LRRTM4: variants seen among roughly 807,000 people sequenced by gnomAD.
LRRTM4 encodes leucine rich repeat transmembrane neuronal 4.
In LRRTM4, 25 loss-of-function variants were observed where a neutral mutation model predicts 47.6. The observed-to-expected ratio is 0.53, with a 90% CI of 0.38 to 0.73. The LOEUF (loss-of-function observed/expected upper bound fraction) is 0.73, where lower values mean the gene tolerates loss of function less well. LRRTM4 is among the 30% of genes least tolerant of loss of function. LRRTM4 has a pLI of 0.00. For synonymous variants in LRRTM4, 311 were observed against 269.5 expected (o/e 1.15, Z -1.51); for missense variants, 638 against 713.4 (o/e 0.89, Z 1.20).
chr2:76,952,130 G>A (rs1204003926), intron 3 of LRRTM4, among the ~76,000 whole-genome samples: 1 of 151,868 alleles, frequency 6.6e-6, no homozygotes, highest in Non-Finnish European at 1.5e-5. Context: ...GCTATAGTAG[G>A]CTATAGTAGG....
intron 3 of LRRTM4, among the ~76,000 whole-genome samples, chr2:76,873,506 G>GTGTGTGTATATATATA (rs367573475): frequency 2.0e-4 from 22 of 112,312 alleles, no homozygotes; most frequent in African/African-American, 7.1e-4. Flanking sequence ...ATATATGTGT[G>GTGTGTGTATATATATA]TATATATATA....
At chr2:77,243,301 T>C (rs1274859270) in intron 3 of LRRTM4, among the ~76,000 whole-genome samples, 1 of 151,446 alleles carries the variant, frequency 6.6e-6, no homozygotes, top group African/African-American at 2.4e-5. Flanking sequence ...TCCCAGCTAC[T>C]CAGGAGGCTG....
intron 3 of LRRTM4, among the ~76,000 whole-genome samples, chr2:77,111,753 T>C (rs1420199929): frequency 1.3e-5 from 2 of 152,144 alleles, no homozygotes; most frequent in East Asian, 1.9e-4. Context: ...AGAGTAGTGA[T>C]GCTGGCAATT....
chr2:76,901,047 GTATTTT>G (rs895524485), intron 3 of LRRTM4, among the ~76,000 whole-genome samples: 2 of 151,994 alleles, frequency 1.3e-5, no homozygotes, highest in Non-Finnish European at 2.9e-5. Context: ...TTTTTAATTT[GTATTTT>G]TATTTTAAGT....
At chr2:77,171,825 T>C (rs1030974782) in intron 3 of LRRTM4, among the ~76,000 whole-genome samples, 3 of 152,074 alleles carry the variant, frequency 2.0e-5, no homozygotes, top group Admixed American at 1.3e-4. Context: ...CTTTATATAA[T>C]TAGAATTATG....
intron 3 of LRRTM4, among the ~76,000 whole-genome samples, chr2:76,857,020 T>C (rs571955112): frequency 2.0e-5 from 3 of 151,952 alleles, no homozygotes; most frequent in Non-Finnish European, 4.4e-5. Context: ...TATTAAATAT[T>C]TTCATTATTT....
At chr2:76,909,597 T>G (rs1196179406) in intron 3 of LRRTM4, among the ~76,000 whole-genome samples, 1 of 152,102 alleles carries the variant, frequency 6.6e-6, no homozygotes, top group African/African-American at 2.4e-5. Flanking sequence ...CCTACTCATT[T>G]GACAAAGGGC....
intron 3 of LRRTM4, among the ~76,000 whole-genome samples, chr2:77,247,373 C>T (rs914319394): frequency 6.6e-6 from 1 of 152,122 alleles, no homozygotes; most frequent in African/African-American, 2.4e-5. Context: ...CACAAAACCA[C>T]ACTACCATAT....
intron 3 of LRRTM4, among the ~76,000 whole-genome samples, chr2:77,373,099 A>G (rs1672712513): frequency 6.8e-6 from 1 of 146,332 alleles, no homozygotes; most frequent in Admixed American, 6.9e-5. Context: ...ATATATATAT[A>G]TATATATATA....
At chr2:76,897,622 G>A (rs1430562881) in intron 3 of LRRTM4, among the ~76,000 whole-genome samples, 1 of 152,158 alleles carries the variant, frequency 6.6e-6, no homozygotes, top group African/African-American at 2.4e-5. Flanking sequence ...CGTTATAGCT[G>A]TTGTCATGCC....
chr2:77,132,621 G>C (rs920245575), intron 3 of LRRTM4, among the ~76,000 whole-genome samples: 3 of 152,174 alleles, frequency 2.0e-5, no homozygotes, highest in Non-Finnish European at 4.4e-5. Context: ...CTCCAGAGGG[G>C]ACACGTGCTG....
chr2:77,139,354 A>G (rs886157102), intron 3 of LRRTM4, among the ~76,000 whole-genome samples: 17 of 152,208 alleles, frequency 1.1e-4, no homozygotes, highest in African/African-American at 3.9e-4. Flanking sequence ...CAGCATATCA[A>G]CAGAACGAAA....
At chr2:77,490,906 A>T (rs561262643) in intron 3 of LRRTM4, among the ~76,000 whole-genome samples, 1 of 152,234 alleles carries the variant, frequency 6.6e-6, no homozygotes, top group Admixed American at 6.5e-5. Flanking sequence ...AAAAAAAAGC[A>T]AACTGAAAAA....
chr2:77,240,399 C>T (rs1315548425), intron 3 of LRRTM4, among the ~76,000 whole-genome samples: 1 of 151,922 alleles, frequency 6.6e-6, no homozygotes, highest in Non-Finnish European at 1.5e-5. Context: ...CTGAAGAACT[C>T]TTTAATTCCT....
intron 3 of LRRTM4, among the ~76,000 whole-genome samples, chr2:77,237,817 A>G (rs922414546): frequency 2.6e-5 from 4 of 152,172 alleles, no homozygotes; most frequent in African/African-American, 7.2e-5. Context: ...CTAGGAAAAG[A>G]TAGCAAACCC....
chr2:77,377,800 T>C lies in LRRTM4; in HGVS notation c.1551+140518A>G, dbSNP rs375311548. Among the ~76,000 whole-genome samples, 21 of 152,100 alleles carry C rather than the reference T, an allele frequency of 1.4e-4. 1 individual carries two copies. The highest frequency in any genetic ancestry group is 4.1e-4 in the African/African-American group (17 of 41,536). Reference sequence around the variant, plus strand: ...AATAGATTTTGTAATACTAAGACATTCCTTCATGTTTCAGATAATATCTAT... The same window carrying C: ...AATAGATTTTGTAATACTAAGACATCCCTTCATGTTTCAGATAATATCTAT... On this transcript the variant is annotated intron_variant, in intron 3 of 3. Coordinates refer to ENST00000409884, the MANE Select transcript of LRRTM4 (RefSeq NM_001134745.3).
intron 3 of LRRTM4, among the ~76,000 whole-genome samples, chr2:77,375,181 G>A (rs748012242): frequency 1.3e-4 from 20 of 151,650 alleles, no homozygotes; most frequent in Non-Finnish European, 2.8e-4. Flanking sequence ...TAGGAGGAAT[G>A]TTTTAACTTA....
At chr2:77,029,722 G>T (rs1678584647) in intron 3 of LRRTM4, among the ~76,000 whole-genome samples, 1 of 152,092 alleles carries the variant, frequency 6.6e-6, no homozygotes, top group Non-Finnish European at 1.5e-5. Context: ...CTGAAGAGAG[G>T]GAATAAATGC....
intron 3 of LRRTM4, among the ~76,000 whole-genome samples, chr2:77,300,468 G>A (rs940917294): frequency 7.2e-5 from 11 of 152,134 alleles, no homozygotes; most frequent in South Asian, 2.1e-4. Context: ...GGGTAATTTA[G>A]AGCTAATTGC....
Sources: allele counts gnomAD v4.1 joint callset (sites outside exome capture counted in the v4.1 genomes callset), GRCh38; gene constraint gnomAD v4.1.1; transcripts MANE v1.5; gene names NCBI Gene and HGNC (gene_info 2026-07-23, HGNC 2026-07-21).